EEFSEC: variants seen among roughly 807,000 people sequenced by gnomAD.
EEFSEC encodes the protein eukaryotic elongation factor, selenocysteine-tRNA specific.
A neutral mutation model predicts 42.1 loss-of-function variants in EEFSEC; 43 were observed. The ratio of observed to expected loss-of-function variants is 1.02; its 90% CI spans 0.80 to 1.32. The LOEUF (loss-of-function observed/expected upper bound fraction) is 1.32. EEFSEC is among the 40% of genes most tolerant of loss of function. EEFSEC has a pLI of 0.00. For missense variants in EEFSEC, 745 were observed against 803.6 expected (o/e 0.93, Z 0.88); for synonymous variants, 354 against 339.1 (o/e 1.04, Z -0.48).
chr3:128,192,634 C>G (rs916272029), intron 1 of EEFSEC, among the ~76,000 whole-genome samples: 1 of 152,178 alleles, frequency 6.6e-6, no homozygotes, highest in Non-Finnish European at 1.5e-5. Flanking sequence ...TCCTATTTAA[C>G]TTCTTTGTCT....
chr3:128,409,763 A>G (rs2068160969), downstream of EEFSEC, among the ~76,000 whole-genome samples: 1 of 152,172 alleles, frequency 6.6e-6, no homozygotes, highest in African/African-American at 2.4e-5. Context: ...CTGAGCAGAC[A>G]CTTCCTGGGA....
intron 4 of EEFSEC, among the ~76,000 whole-genome samples, chr3:128,274,566 G>T (rs1407255305): frequency 2.0e-5 from 3 of 152,218 alleles, no homozygotes; most frequent in Admixed American, 2.0e-4. Context: ...CCCTGGCCCA[G>T]GGTGGCCTTG....
intron 2 of EEFSEC, among the ~76,000 whole-genome samples, chr3:128,258,755 A>G (rs1643448311): frequency 1.3e-5 from 2 of 152,208 alleles, no homozygotes; most frequent in Non-Finnish European, 2.9e-5. Flanking sequence ...TGAGAACTAA[A>G]ATTACATATA....
At chr3:128,425,844 C>T in the EEFSEC span, among the ~76,000 whole-genome samples, 114 of 152,256 alleles carry the variant, frequency 7.5e-4, no homozygotes, top group Non-Finnish European at 1.5e-3. Flanking sequence ...GTGACTGGGG[C>T]GGGCCTTGCT....
chr3:128,309,119 G>A (rs957413828), intron 4 of EEFSEC, among the ~76,000 whole-genome samples: 3 of 152,194 alleles, frequency 2.0e-5, no homozygotes, highest in African/African-American at 4.8e-5. Context: ...ATTTGTTCAC[G>A]AGAGGGTGAT....
chr3:128,197,464 G>T (rs991071004), intron 1 of EEFSEC, among the ~76,000 whole-genome samples: 2 of 152,050 alleles, frequency 1.3e-5, no homozygotes, highest in Admixed American at 1.3e-4. Flanking sequence ...GTAGAGACAG[G>T]GTTTCACCAT....
chr3:128,282,664 T>G (rs1260620232), intron 4 of EEFSEC, among the ~76,000 whole-genome samples: 1 of 152,156 alleles, frequency 6.6e-6, no homozygotes, highest in Non-Finnish European at 1.5e-5. Flanking sequence ...GGGGACTTGG[T>G]ATGTGAAGAT....
intron 1 of EEFSEC, among the ~76,000 whole-genome samples, chr3:128,225,206 GTT>G (rs982205027): frequency 6.6e-6 from 1 of 151,918 alleles, no homozygotes; most frequent in Admixed American, 6.6e-5. Context: ...TCTTTTTTTG[GTT>G]TTGTGTCTAT....
chr3:128,397,144 T>C (rs1229067023), intron 6 of EEFSEC, among the ~76,000 whole-genome samples: 1 of 152,208 alleles, frequency 6.6e-6, no homozygotes, highest in Non-Finnish European at 1.5e-5. Context: ...ATCATTCTGG[T>C]TGGGGGAGTC....
chr3:128,345,298 A>C (rs2067300033), intron 5 of EEFSEC, among the ~76,000 whole-genome samples: 1 of 152,008 alleles, frequency 6.6e-6, no homozygotes, highest in Non-Finnish European at 1.5e-5. Context: ...GCGTGGGTCC[A>C]CTCTTTTCCC....
chr3:128,248,690 A>G (rs902941842), intron 2 of EEFSEC, among the ~76,000 whole-genome samples: 3 of 152,240 alleles, frequency 2.0e-5, no homozygotes, highest in Admixed American at 6.5e-5. Flanking sequence ...AAAAAAACCC[A>G]GTACAACCTC....
chr3:128,248,024 A>C (rs1222025856), intron 2 of EEFSEC, among the ~76,000 whole-genome samples: 1 of 152,168 alleles, frequency 6.6e-6, no homozygotes, highest in Non-Finnish European at 1.5e-5. Context: ...GCACAGGGGG[A>C]CTGTGAGACA....
chr3:128,164,970 G>A (rs377579423), intron 1 of EEFSEC, among the ~76,000 whole-genome samples: 2 of 152,228 alleles, frequency 1.3e-5, no homozygotes, highest in South Asian at 2.1e-4. Flanking sequence ...AGGCAGGCAA[G>A]GCGGATGCCA....
At chr3:128,252,715 A>G (rs770790182) in intron 2 of EEFSEC, among the ~76,000 whole-genome samples, 1 of 152,210 alleles carries the variant, frequency 6.6e-6, no homozygotes, top group Non-Finnish European at 1.5e-5. Context: ...ATGTATATAC[A>G]CACACATACA....
At chr3:128,224,404 C>A (rs1342469047) in intron 1 of EEFSEC, among the ~76,000 whole-genome samples, 3 of 152,180 alleles carry the variant, frequency 2.0e-5, no homozygotes, top group African/African-American at 7.2e-5. Flanking sequence ...CCTGTGGTCA[C>A]CCTTGGGTCT....
intron 4 of EEFSEC, among the ~76,000 whole-genome samples, chr3:128,320,332 A>C (rs925744894): frequency 2.0e-5 from 3 of 152,250 alleles, no homozygotes; most frequent in Admixed American, 6.5e-5. Flanking sequence ...TGGGATGCTC[A>C]TCTCCATTTT....
At chr3:128,316,794 C>T (rs753563025) in intron 4 of EEFSEC, among the ~76,000 whole-genome samples, 9 of 152,176 alleles carry the variant, frequency 5.9e-5, no homozygotes, top group Non-Finnish European at 1.3e-4. Flanking sequence ...CTGCTCAGTG[C>T]CATCATTTTC....
intron 2 of EEFSEC, 80 bp from the exon 3 acceptor site, chr3:128,262,048 G>GT: frequency 7.4e-7 from 1 of 1,346,084 alleles, no homozygotes; most frequent in Non-Finnish European, 1.1e-6. Flanking sequence ...ACTTGGTACT[G>GT]TGCCAGGTGC....
At chr3:128,400,773 G>A (rs116647424) in intron 6 of EEFSEC, among the ~76,000 whole-genome samples, 1,844 of 152,350 alleles carry the variant, frequency 0.012, 36 homozygotes, top group African/African-American at 0.042. Context: ...ATGTCAGGGC[G>A]GCACCATGGC....
Sources: allele counts gnomAD v4.1 joint callset (sites outside exome capture counted in the v4.1 genomes callset), GRCh38; gene constraint gnomAD v4.1.1; transcripts MANE v1.5; gene names NCBI Gene and HGNC (gene_info 2026-07-23, HGNC 2026-07-21).